Variants in ADGB observed in about 807,000 individuals in gnomAD.
ADGB encodes calpain-7-like protein.
In ADGB, 172 loss-of-function variants were observed where a neutral mutation model predicts 210.5. The observed-to-expected ratio is 0.82, with a 90% CI of 0.72 to 0.93. The LOEUF is 0.93. ADGB is among the 40% of genes least tolerant of loss of function. The pLI, the probability that ADGB is intolerant of heterozygous loss-of-function variation, is 0.00. For missense variants in ADGB, 2,025 were observed against 1,964.8 expected (o/e 1.03, Z -0.58); for synonymous variants, 658 against 662.7 (o/e 0.99, Z 0.11).
At chr6:146,642,912 T>C (rs1181743923) in intron 2 of ADGB, among the ~76,000 whole-genome samples, 1 of 151,708 alleles carries the variant, frequency 6.6e-6, no homozygotes, top group East Asian at 1.9e-4. Flanking sequence ...AATTATAAAA[T>C]AAAAGGGTTC....
intron 9 of ADGB, among the ~76,000 whole-genome samples, chr6:146,676,914 C>A (rs1776093180): frequency 1.3e-5 from 2 of 152,150 alleles, no homozygotes; most frequent in South Asian, 4.1e-4. Flanking sequence ...TATCACAATA[C>A]TGACAACCAC....
chr6:146,672,592 C>T (rs917152569), intron 8 of ADGB, 125 bp downstream of exon 8: 1 of 1,144,814 alleles, frequency 8.7e-7, no homozygotes, highest in African/African-American at 1.6e-5. Flanking sequence ...GTTCTTGGAT[C>T]TCACACAGTA....
At chr6:146,779,218 A>C (rs1583634939) in intron 29 of ADGB, among the ~76,000 whole-genome samples, 1 of 152,216 alleles carries the variant, frequency 6.6e-6, no homozygotes, top group African/African-American at 2.4e-5. Flanking sequence ...TTAAAAGCTG[A>C]ATCAAAACTA....
At chr6:146,750,512 G>T (rs1205537784) in intron 26 of ADGB, among the ~76,000 whole-genome samples, 6 of 152,084 alleles carry the variant, frequency 3.9e-5, no homozygotes, top group Non-Finnish European at 8.8e-5. Flanking sequence ...AGTCATGATT[G>T]CACCACTGCA....
At chr6:146,797,978 A>AAC (rs1554258289) in intron 33 of ADGB, among the ~76,000 whole-genome samples, 8 of 151,408 alleles carry the variant, frequency 5.3e-5, no homozygotes, top group South Asian at 2.1e-4. Flanking sequence ...TGAAAAAAAA[A>AAC]AAGTTGGATA....
intron 3 of ADGB, among the ~76,000 whole-genome samples, chr6:146,650,941 A>C (rs901484713): frequency 1.3e-5 from 2 of 152,242 alleles, no homozygotes; most frequent in African/African-American, 4.8e-5. Context: ...AAGCCAACAC[A>C]GCAGCACAGA....
intron 19 of ADGB, among the ~76,000 whole-genome samples, chr6:146,728,320 A>G (rs944292329): frequency 2.0e-5 from 3 of 152,094 alleles, no homozygotes; most frequent in Admixed American, 6.6e-5. Flanking sequence ...GGTTATTAAT[A>G]CGGTGGGGGA....
intron 27 of ADGB, among the ~76,000 whole-genome samples, chr6:146,759,261 A>G (rs1777453271): frequency 6.6e-6 from 1 of 151,818 alleles, no homozygotes; most frequent in South Asian, 2.1e-4. Flanking sequence ...CCAGTCACAG[A>G]TCTTATATAC....
At chr6:146,732,029 T>G (rs935779212) in intron 20 of ADGB, among the ~76,000 whole-genome samples, 1 of 152,166 alleles carries the variant, frequency 6.6e-6, no homozygotes, top group African/African-American at 2.4e-5. Context: ...AAGTGACATC[T>G]CCAGGCTGGC....
chr6:146,747,310 G>T (rs1777254434), intron 26 of ADGB, among the ~76,000 whole-genome samples: 1 of 152,112 alleles, frequency 6.6e-6, no homozygotes, highest in Non-Finnish European at 1.5e-5. Flanking sequence ...ACTAAAAATA[G>T]CAATTGTGAT....
intron 35 of ADGB, chr6:146,803,542 C>G (rs771830080): frequency 5.7e-6 from 9 of 1,584,400 alleles, no homozygotes; most frequent in Admixed American, 1.7e-5. Flanking sequence ...CACAGTTTGT[C>G]CAACTGTTCT....
At chr6:146,640,634 C>A (rs1450552429) in intron 2 of ADGB, among the ~76,000 whole-genome samples, 1 of 152,024 alleles carries the variant, frequency 6.6e-6, no homozygotes. Context: ...TGTGATTCAT[C>A]ACATAAACAA....
rs567565241 is a variant in ADGB, at chr6:146,765,347, GA to G, written c.3750+1256del. On this transcript the variant is annotated intron_variant, in intron 28 of 35. Coordinates refer to ENST00000397944, the MANE Select transcript of ADGB (RefSeq NM_024694.4). ...TAAGTAAATAGAATTGTGAGAATTT[GA>G]AAAAAAAATCTAAATATAAGCTTAA... Among the ~76,000 whole-genome samples, 93 of 149,830 alleles carry G rather than the reference GA, an allele frequency of 6.2e-4. 1 individual carries two copies. Among genetic ancestry groups the G allele is most frequent in the South Asian group, 5.7e-3 (27 of 4,760 alleles).
intron 12 of ADGB, among the ~76,000 whole-genome samples, chr6:146,693,212 T>G (rs939978461): frequency 1.3e-5 from 2 of 152,204 alleles, no homozygotes; most frequent in Admixed American, 1.3e-4. Context: ...TGGCTGCATT[T>G]GGAGGTAAAG....
intron 13 of ADGB, among the ~76,000 whole-genome samples, chr6:146,701,917 T>C (rs1776497831): frequency 2.0e-5 from 3 of 151,992 alleles, no homozygotes; most frequent in Admixed American, 2.0e-4. Context: ...AGTAATCAGC[T>C]TACATATTCT....
chr6:146,780,283 G>A (rs1311895604), intron 29 of ADGB, among the ~76,000 whole-genome samples: 2 of 151,770 alleles, frequency 1.3e-5, no homozygotes, highest in African/African-American at 2.4e-5. Flanking sequence ...AGTAGTGGAG[G>A]AATTGAGAAA....
At chr6:146,800,142 T>C (rs1347934354) in intron 33 of ADGB, among the ~76,000 whole-genome samples, 1 of 151,820 alleles carries the variant, frequency 6.6e-6, no homozygotes, top group Non-Finnish European at 1.5e-5. Context: ...TTTTTTCTTT[T>C]TTTTTAAATG....
At position 146,635,436 on chromosome 6, in the gene ADGB, C is replaced by T. The variant is rs1775403893; in HGVS notation, c.136C>T (p.Pro46Ser). The T allele has an allele frequency of 6.5e-7, 1 of 1,546,218 alleles. No homozygotes were observed. The highest frequency in any genetic ancestry group is 1.4e-5 in the African/African-American group (1 of 72,602). The change falls in exon 2 of 36, where the codon CCA becomes TCA. Residue 46 changes from proline to serine, a missense_variant. Transcript: ENST00000397944. ...GSTEQKKGKF[P>S]LWPEWSEADI... ...TACTGAACAAAAGAAGGGGAAATTC[C>T]CACTCTGGCCAGAGTGGAGTGAAGC...
intron 1 of ADGB, among the ~76,000 whole-genome samples, chr6:146,615,173 T>C (rs1057252874): frequency 2.0e-5 from 3 of 152,046 alleles, no homozygotes; most frequent in African/African-American, 7.3e-5. Context: ...CCCAAATTGC[T>C]GGGATTACAG....
Sources: allele counts gnomAD v4.1 joint callset (sites outside exome capture counted in the v4.1 genomes callset), GRCh38; gene constraint gnomAD v4.1.1; transcripts MANE v1.5; gene names NCBI Gene and HGNC (gene_info 2026-07-23, HGNC 2026-07-21).